The following FOXN3 variants were observed in gnomAD, a reference collection of about 807,000 sequenced individuals.
FOXN3 encodes forkhead box protein N3.
A neutral mutation model predicts 38.4 loss-of-function variants in FOXN3; 7 were observed. That is an observed-to-expected ratio of 0.18 (90% CI 0.10 to 0.34). The LOEUF (loss-of-function observed/expected upper bound fraction) is 0.34. Among genes scored for constraint, FOXN3 ranks in the 10% least tolerant of loss-of-function variants. The pLI, the probability that FOXN3 is intolerant of heterozygous loss-of-function variation, is 1.00. For missense variants in FOXN3, 456 were observed against 613.4 expected, an observed-to-expected ratio of 0.74 and a Z score of 2.71; for synonymous variants, 230 against 242.2, an observed-to-expected ratio of 0.95 and a Z score of 0.47.
chr14:89,323,245 G>A (rs1238964692), intron 3 of FOXN3, among the ~76,000 whole-genome samples: 13 of 144,374 alleles, frequency 9.0e-5, no homozygotes, highest in Admixed American at 3.6e-4. Flanking sequence ...CTAAGATCAC[G>A]CCACTGTACT....
chr14:89,323,046 T>C, intron 3 of FOXN3, among the ~76,000 whole-genome samples: 1 of 152,048 alleles, frequency 6.6e-6, no homozygotes, highest in Non-Finnish European at 1.5e-5. Context: ...CCCAGCACTT[T>C]GGGAGGCCAA....
intron 1 of FOXN3, among the ~76,000 whole-genome samples, chr14:89,569,122 G>A (rs1269803607): frequency 1.3e-5 from 2 of 152,120 alleles, no homozygotes. Context: ...GGAGAATGGC[G>A]TGAACCTGGG....
At chr14:89,491,837 T>G (rs564973914) in intron 1 of FOXN3, among the ~76,000 whole-genome samples, 4 of 152,254 alleles carry the variant, frequency 2.6e-5, no homozygotes, top group Non-Finnish European at 5.9e-5. Context: ...GCCCTTTGAA[T>G]GGAAGCGATT....
chr14:89,326,662 A>G (rs1379492201), intron 3 of FOXN3, among the ~76,000 whole-genome samples: 1 of 152,238 alleles, frequency 6.6e-6, no homozygotes, highest in Admixed American at 6.5e-5. Context: ...TTAAATTTTT[A>G]TATTAGTGTA....
chr14:89,317,557 A>G (rs1887756760), intron 3 of FOXN3, among the ~76,000 whole-genome samples: 1 of 152,128 alleles, frequency 6.6e-6, no homozygotes, highest in Non-Finnish European at 1.5e-5. Context: ...GCAGGGGTAA[A>G]GTGTAGGGTC....
chr14:89,333,074 C>A (rs35609835), intron 3 of FOXN3: 27,225 of 152,230 alleles, frequency 0.18, 2,830 homozygotes, highest in South Asian at 0.3. Flanking sequence ...GAAAGACTGT[C>A]TGTACTGGTG....
intron 3 of FOXN3, among the ~76,000 whole-genome samples, chr14:89,288,697 T>G (rs1254268825): frequency 4.7e-5 from 5 of 107,100 alleles, no homozygotes; most frequent in African/African-American, 1.4e-4. Flanking sequence ...TCTCTCTCTC[T>G]CTCTCTCTCT....
At chr14:89,456,342 G>A (rs1336080353) in intron 1 of FOXN3, among the ~76,000 whole-genome samples, 1 of 152,154 alleles carries the variant, frequency 6.6e-6, no homozygotes, top group African/African-American at 2.4e-5. Context: ...GCTGTTGCCT[G>A]GTGTAAACTC....
chr14:89,286,759 T>C (rs894284930), intron 3 of FOXN3, among the ~76,000 whole-genome samples: 9 of 152,262 alleles, frequency 5.9e-5, no homozygotes, highest in African/African-American at 2.2e-4. Flanking sequence ...CTCGCTGGCA[T>C]TTGGAACACG....
chr14:89,408,631 A>G (rs1263262673), intron 2 of FOXN3, among the ~76,000 whole-genome samples: 2 of 150,526 alleles, frequency 1.3e-5, no homozygotes, highest in Non-Finnish European at 2.9e-5. Flanking sequence ...ACAGTTGTCC[A>G]GCAGGGTATG....
At chr14:89,325,320 C>CACG (rs1888037776) in intron 3 of FOXN3, among the ~76,000 whole-genome samples, 4 of 73,420 alleles carry the variant, frequency 5.4e-5, no homozygotes, top group Non-Finnish European at 1.1e-4. Flanking sequence ...CCACGACCAC[C>CACG]ACCACCACCA....
chr14:89,318,828 C>T (rs541605721), intron 3 of FOXN3, among the ~76,000 whole-genome samples: 3 of 152,208 alleles, frequency 2.0e-5, no homozygotes, highest in East Asian at 1.9e-4. Context: ...ATGAAGCCGC[C>T]GACCCGATGC....
intron 1 of FOXN3, among the ~76,000 whole-genome samples, chr14:89,558,332 C>T (rs1228211429): frequency 3.9e-5 from 6 of 152,064 alleles, no homozygotes; most frequent in Non-Finnish European, 7.4e-5. Context: ...ACATGATGAC[C>T]GAACCACGAA....
rs1018040676 is a variant in FOXN3, at chr14:89,163,345, T to C, written c.852-376A>G. On this transcript the variant is annotated intron_variant, in intron 5 of 5. Transcript: ENST00000557258. This position sits in a 1 kb window ranked among gnomAD's most constrained non-coding sequence, Gnocchi z 4.3. Reference sequence around the variant, plus strand: ...CAGAGTCAGACACCGCCAGACGATGTTGGCTGGGTACTTCAGAGAAAAAAG... The same window carrying C: ...CAGAGTCAGACACCGCCAGACGATGCTGGCTGGGTACTTCAGAGAAAAAAG... 5.9e-5 allele frequency among the ~76,000 whole-genome samples: 9 copies of C among 152,194 alleles called. No homozygotes were observed. The highest frequency in any genetic ancestry group is 1.0e-4 in the Non-Finnish European group (7 of 68,040).
intron 2 of FOXN3, among the ~76,000 whole-genome samples, chr14:89,368,515 C>T (rs759315922): frequency 1.3e-4 from 20 of 152,076 alleles, no homozygotes; most frequent in African/African-American, 2.4e-4. Flanking sequence ...CCTGGTGGTA[C>T]ACGCCTGTAG....
At chr14:89,281,837 C>T (rs982888154) in intron 3 of FOXN3, among the ~76,000 whole-genome samples, 2 of 152,150 alleles carry the variant, frequency 1.3e-5, no homozygotes, top group Non-Finnish European at 2.9e-5. Flanking sequence ...GTTACTACAT[C>T]CAGCCCAAGA....
chr14:89,264,745 C>T (rs1885918941), intron 4 of FOXN3, among the ~76,000 whole-genome samples: 1 of 152,268 alleles, frequency 6.6e-6, no homozygotes, highest in East Asian at 1.9e-4. Context: ...CAAACAAGTG[C>T]CATCCACATC....
intron 1 of FOXN3, among the ~76,000 whole-genome samples, chr14:89,589,730 G>A (rs905297517): frequency 7.2e-6 from 1 of 139,052 alleles, no homozygotes; most frequent in African/African-American, 2.6e-5. Flanking sequence ...TGAATTGGGG[G>A]CGGGGGGGCG....
chr14:89,214,804 T>C (rs748018735), intron 4 of FOXN3, among the ~76,000 whole-genome samples: 8 of 152,240 alleles, frequency 5.3e-5, no homozygotes, highest in Non-Finnish European at 7.3e-5. Flanking sequence ...AGCAGAGTAT[T>C]TTCTTGAAAG....
Sources: allele counts gnomAD v4.1 joint callset (sites outside exome capture counted in the v4.1 genomes callset), GRCh38; gene constraint gnomAD v4.1.1; non-coding constraint Gnocchi (gnomAD v3.1); transcripts MANE v1.5; gene names NCBI Gene and HGNC (gene_info 2026-07-23, HGNC 2026-07-21).